The following PNPLA8 variants were observed in gnomAD, a reference collection of about 807,000 sequenced individuals.
PNPLA8 encodes calcium-independent phospholipase A2-gamma.
A neutral mutation model predicts 76.9 loss-of-function variants in PNPLA8; 39 were observed. The ratio of observed to expected loss-of-function variants is 0.51; its 90% CI spans 0.39 to 0.66. The LOEUF is 0.66. PNPLA8 is among the 30% of genes least tolerant of loss of function. The probability of loss-of-function intolerance (pLI) is 0.00; values close to 1 mark genes in which losing one functional copy is unlikely to be tolerated. For missense variants in PNPLA8, 887 were observed against 918.0 expected (o/e 0.97, Z 0.44); for synonymous variants, 301 against 307.9 (o/e 0.98, Z 0.24).
intron 5 of PNPLA8, among the ~76,000 whole-genome samples, chr7:108,497,990 C>T (rs2154515679): frequency 6.9e-6 from 1 of 144,660 alleles, no homozygotes; most frequent in South Asian, 2.2e-4. Flanking sequence ...TAGCGAGATC[C>T]CATTTCTACA....
chr7:108,515,399 G>C lies in PNPLA8; in HGVS notation c.93C>G (p.Phe31Leu), dbSNP rs746677532. 6.2e-7 allele frequency: 1 copy of C among 1,612,302 alleles called. No homozygotes were observed. Among genetic ancestry groups the C allele is most frequent in the Non-Finnish European group, 8.5e-7 (1 of 1,179,192 alleles). Residue 31 changes from phenylalanine to leucine, a missense_variant, in exon 3 of 11, where the codon TTC becomes TTG. By Grantham distance (22) the Phe-to-Leu change is conservative. Coordinates refer to ENST00000257694, the MANE Select transcript of PNPLA8 (RefSeq NM_001256007.3). ...CGKQRSKQLYFLFSPKHYWRI... is the reference protein window; with the variant it reads ...CGKQRSKQLYLLFSPKHYWRI... Reference sequence around the variant, plus strand: ...TCCAGTAATGCTTAGGTGAGAACAAGAAATACAGTTGCTTGCTTCTCTGCT... The same window carrying C: ...TCCAGTAATGCTTAGGTGAGAACAACAAATACAGTTGCTTGCTTCTCTGCT...
At chr7:108,501,488 AT>A (rs1861945401) in intron 5 of PNPLA8, among the ~76,000 whole-genome samples, 1 of 152,242 alleles carries the variant, frequency 6.6e-6, no homozygotes, top group Non-Finnish European at 1.5e-5. Flanking sequence ...CCATCACTTT[AT>A]CAAGTAACTA....
At chr7:108,512,108 C>G (rs1231240452) in intron 4 of PNPLA8, among the ~76,000 whole-genome samples, 2 of 152,162 alleles carry the variant, frequency 1.3e-5, no homozygotes, top group African/African-American at 4.8e-5. Context: ...ATCTAAGTAA[C>G]CACCACACGG....
intron 4 of PNPLA8, among the ~76,000 whole-genome samples, chr7:108,505,298 ATT>A (rs1862262213): frequency 1.6e-5 from 1 of 63,738 alleles, no homozygotes; most frequent in Non-Finnish European, 2.8e-5. Context: ...ACACAAGAAA[ATT>A]TATATATATA....
intron 4 of PNPLA8, chr7:108,511,092 C>T: frequency 1.5e-6 from 1 of 654,488 alleles, no homozygotes; most frequent in Non-Finnish European, 2.5e-6. Flanking sequence ...ATAAATTAAG[C>T]ATTTCTCTTT....
intron 4 of PNPLA8, among the ~76,000 whole-genome samples, chr7:108,504,427 T>C (rs1014430960): frequency 9.5e-5 from 6 of 63,052 alleles, no homozygotes; most frequent in African/African-American, 2.6e-4. Context: ...CAATGGAAGA[T>C]GTAAAAGACA....
chr7:108,523,320 G>A (rs1032902167), intron 1 of PNPLA8, among the ~76,000 whole-genome samples: 3 of 152,202 alleles, frequency 2.0e-5, no homozygotes, highest in Admixed American at 6.5e-5. Context: ...GGAGAGCAAA[G>A]ATCACCTGGT....
Position 108,472,667 on chromosome 7 carries a change from T to C in PNPLA8, c.2083A>G (p.Ile695Val), listed in dbSNP as rs757910334. 1.9e-6 allele frequency: 3 copies of C among 1,573,590 alleles called. No individual in the cohort carries two copies. The highest frequency in any genetic ancestry group is 1.2e-5 in the South Asian group (1 of 83,614). ...GGAGGTAACAGGCCATCAAGCATTA[T>C]ATGGACTTCTGTTAAAGCAAAAAAG... ...NSATDTEEVHIMLDGLLPPDT... is the reference protein window; with the variant it reads ...NSATDTEEVHVMLDGLLPPDT... Residue 695 changes from isoleucine to valine, a missense_variant, in exon 11 of 11, where the codon ATA becomes GTA. Physicochemically the swap from Ile to Val is conservative, Grantham distance 29. Transcript: ENST00000257694.
chr7:108,504,056 G>T (rs1444072902), intron 4 of PNPLA8, among the ~76,000 whole-genome samples: 2 of 152,118 alleles, frequency 1.3e-5, no homozygotes, highest in East Asian at 1.9e-4. Flanking sequence ...CACCCTGGAA[G>T]AATATGCCCA....
intron 5 of PNPLA8, among the ~76,000 whole-genome samples, chr7:108,498,647 T>C (rs1468620168): frequency 6.6e-6 from 1 of 152,114 alleles, no homozygotes; most frequent in African/African-American, 2.4e-5. Flanking sequence ...TAACCCTCTA[T>C]ATTAATGGTA....
At chr7:108,519,789 G>A (rs1163185767) in intron 2 of PNPLA8, among the ~76,000 whole-genome samples, 1 of 149,238 alleles carries the variant, frequency 6.7e-6, no homozygotes, top group Non-Finnish European at 1.5e-5. Context: ...TCCCCAAGGG[G>A]AACAATTGTT....
rs114481584 is a variant in PNPLA8 at position 108,511,307 on chromosome 7, T to C, written c.1206+2837A>G. The stretch of plus-strand genomic sequence containing the variant: ...TGATGAGATAATGCTTCTAGCACAA[T>C]TGTCCAATGAGAAGCAGATTGTCAT... On this transcript the variant is annotated intron_variant, in intron 4 of 10. Coordinates refer to ENST00000257694, the MANE Select transcript of PNPLA8 (RefSeq NM_001256007.3). 9.8e-3 allele frequency among the ~76,000 whole-genome samples: 1,497 copies of C among 152,262 alleles called. 28 individuals are homozygous for C. Among genetic ancestry groups the C allele is most frequent in the African/African-American group, 0.032 (1,342 of 41,548 alleles).
At chr7:108,477,340 T>C (rs377569143) in intron 10 of PNPLA8, among the ~76,000 whole-genome samples, 8 of 152,166 alleles carry the variant, frequency 5.3e-5, no homozygotes, top group African/African-American at 9.7e-5. Flanking sequence ...AAATTTCAGA[T>C]AGTGAAAAAT....
At chr7:108,492,327 C>T (rs375985405) in intron 7 of PNPLA8, among the ~76,000 whole-genome samples, 89 of 152,194 alleles carry the variant, frequency 5.8e-4, no homozygotes, top group African/African-American at 2.1e-3. Context: ...TGGACAAGAT[C>T]TTTTGTCTTT....
rs771446974 is a variant in PNPLA8 at position 108,479,277 on chromosome 7, C to T, written c.1981G>A (p.Gly661Arg). Residue 661 changes from glycine to arginine, a missense_variant, in exon 10 of 11, where the codon GGA becomes AGA. Gly to Arg is a moderately radical substitution (Grantham distance 125). Transcript: ENST00000257694. ...PLECIVSLGT[G>R]RYESDVRNTV... ...TTTCTCACATCACTCTCATAACGTC[C>T]AGTGCCCAGGGATACTATGCACTCT... is the stretch of plus-strand genomic sequence containing the variant. 34 of 1,612,258 alleles carry T rather than the reference C, an allele frequency of 2.1e-5. No homozygotes were observed. Among genetic ancestry groups the T allele is most frequent in the Non-Finnish European group, 2.9e-5 (34 of 1,178,258 alleles).
rs926913090 is a variant in PNPLA8, at chr7:108,515,415, C to T, written c.77G>A (p.Ser26Asn). ...TGAGAACAAGAAATACAGTTGCTTG[C>T]TTCTCTGCTTCCCACAAACACTTCT... ...NARSVCGKQR[S>N]KQLYFLFSPK... The change falls in exon 3 of 11, where the codon AGC (serine) becomes AAC (asparagine). Residue 26 changes from serine to asparagine, a missense_variant. Transcript: ENST00000257694. The T allele has an allele frequency of 4.3e-6, 7 of 1,610,096 alleles. No individual in the cohort carries two copies. In the African/African-American group the frequency reaches 9.4e-5, roughly 22 times the overall value.
chr7:108,514,882 A>G lies in PNPLA8; in HGVS notation c.610T>C (p.Phe204Leu). The change falls in exon 3 of 11, where the codon TTC becomes CTC. Residue 204 changes from phenylalanine (F) to leucine (L), a missense_variant. Transcript: ENST00000257694. Reference protein sequence around the residue: ...SSITTKFGDSFYFLSNHINSY... With the variant: ...SSITTKFGDSLYFLSNHINSY... ...TTAATATGATTTGATAAAAAGTAGA[A>G]TGAGTCTCCAAATTTTGTGGTTATA... 6.2e-7 allele frequency: 1 copy of G among 1,608,158 alleles called. No individual in the cohort carries two copies. Among genetic ancestry groups the G allele is most frequent in the Non-Finnish European group, 8.5e-7 (1 of 1,176,312 alleles).
intron 4 of PNPLA8, among the ~76,000 whole-genome samples, chr7:108,509,563 T>C (rs1331734851): frequency 7.0e-6 from 1 of 143,740 alleles, no homozygotes; most frequent in Non-Finnish European, 1.5e-5. Context: ...ATAGGAACAC[T>C]TTTACACTGT....
intron 5 of PNPLA8, among the ~76,000 whole-genome samples, chr7:108,500,108 C>T (rs1861832066): frequency 6.6e-6 from 1 of 152,118 alleles, no homozygotes; most frequent in African/African-American, 2.4e-5. Context: ...GTTTTGTTTG[C>T]TCACTGTCCC....
Sources: gnomAD v4.1 joint callset for allele counts (sites outside exome capture counted in the v4.1 genomes callset) on GRCh38, gnomAD v4.1.1 for gene constraint, MANE v1.5 for transcripts, NCBI Gene and HGNC (gene_info 2026-07-23, HGNC 2026-07-21) for gene names.